Variants in ZCRB1 observed in about 807,000 individuals in gnomAD.
ZCRB1 encodes the protein zinc finger CCHC-type and RNA binding motif containing 1.
Under a neutral mutation model 29.9 loss-of-function variants are expected in ZCRB1, and 21 were observed. That is an observed-to-expected ratio of 0.70 (90% CI 0.50 to 1.01). The LOEUF is 1.01. Among genes scored for constraint, ZCRB1 ranks in the 50% least tolerant of loss-of-function variants. The probability of loss-of-function intolerance (pLI) is 0.00; values close to 1 mark genes in which losing one functional copy is unlikely to be tolerated. For synonymous variants in ZCRB1, 77 were observed against 80.0 expected, an observed-to-expected ratio of 0.96 and a Z score of 0.20; for missense variants, 204 against 253.3, an observed-to-expected ratio of 0.81 and a Z score of 1.32.
intron 3 of ZCRB1, 44 bp downstream of exon 3, chr12:42,322,374 A>G (rs1037267468): frequency 5.6e-6 from 8 of 1,429,344 alleles, no homozygotes; most frequent in Non-Finnish European, 7.5e-6. Context: ...GCAAATTCAG[A>G]TAAACTTTTA....
intron 5 of ZCRB1, among the ~76,000 whole-genome samples, chr12:42,315,795 CAAAACTT>C (rs927924507): frequency 6.6e-6 from 1 of 152,084 alleles, no homozygotes; most frequent in Non-Finnish European, 1.5e-5. Context: ...TTACAAAACT[CAAAACTT>C]TGGAAAAGTT....
At chr12:42,319,401 C>T (rs2068610408) in intron 3 of ZCRB1, among the ~76,000 whole-genome samples, 1 of 152,134 alleles carries the variant, frequency 6.6e-6, no homozygotes, top group Admixed American at 6.5e-5. Context: ...TATTCTTTGT[C>T]CCACTGTCAG....
At position 42,312,540 on chromosome 12, in the gene ZCRB1, T is replaced by C. The variant is rs1200579157; in HGVS notation, c.*527A>G. ...ATTCTTTTATTAAGTGACTGAAATA[T>C]ATGTACTTTATTTAGCTACATGTGT... On this transcript the variant is annotated 3_prime_UTR_variant, in exon 8 of 8. Coordinates refer to ENST00000266529, the MANE Select transcript of ZCRB1 (RefSeq NM_033114.4). The C allele has an allele frequency of 6.6e-6, 1 of 152,200 alleles. No individual in the cohort carries two copies. The highest frequency in any genetic ancestry group is 1.9e-4 in the East Asian group (1 of 5,206). 9.4% of individuals were successfully genotyped at this position (152,200 alleles called of 1,614,324 possible). A position where few individuals can be genotyped will look rare whatever the true frequency, so the allele number is the denominator to read the frequency against.
rs2068576158 is a variant in ZCRB1 at position 42,312,854 on chromosome 12, G to T, written c.*213C>A. 1 of 372,390 alleles carries T rather than the reference G, an allele frequency of 2.7e-6. No homozygotes were observed. The highest frequency in any genetic ancestry group is 4.3e-6 in the Non-Finnish European group (1 of 230,430). The allele number at this position is 372,390 out of a possible 1,614,324, so 23.1% of individuals were successfully genotyped here. Reference sequence around the variant, plus strand: ...CGGTCTTCAGGAAGTTTGTTTTAAGGATTAATTTCAGAAGTCCTCATGTAA... The same window carrying T: ...CGGTCTTCAGGAAGTTTGTTTTAAGTATTAATTTCAGAAGTCCTCATGTAA... On this transcript the variant is annotated 3_prime_UTR_variant, in exon 8 of 8. Coordinates refer to ENST00000266529, the MANE Select transcript of ZCRB1 (RefSeq NM_033114.4).
chr12:42,324,548 A>G (rs1477386312), intron 1 of ZCRB1, among the ~76,000 whole-genome samples: 1 of 152,250 alleles, frequency 6.6e-6, no homozygotes, highest in Non-Finnish European at 1.5e-5. Flanking sequence ...AGTATTAACA[A>G]TCACCGATTT....
At chr12:42,314,249 A>G (rs1398711419) in intron 5 of ZCRB1, among the ~76,000 whole-genome samples, 2 of 151,810 alleles carry the variant, frequency 1.3e-5, no homozygotes, top group South Asian at 2.1e-4. Context: ...AAACATTTAA[A>G]TCTCAAAATT....
intron 5 of ZCRB1, among the ~76,000 whole-genome samples, chr12:42,316,343 G>A (rs367663741): frequency 1.3e-5 from 2 of 151,998 alleles, no homozygotes; most frequent in Middle Eastern, 3.4e-3. Context: ...CAAGTGATCC[G>A]TCCACCTCAG....
rs145609199 is a variant in ZCRB1, at chr12:42,324,510, G to GA, written c.-2-407dup. On this transcript the variant is annotated intron_variant, in intron 1 of 7. Transcript: ENST00000266529. ...ATCAGACCAGTCTGGGTATTATTTGGAAAAAAACAAAAAACAAAAACCAAT... is the reference window on the plus strand; with the variant it reads ...ATCAGACCAGTCTGGGTATTATTTGGAAAAAAAACAAAAAACAAAAACCAAT... Among the ~76,000 whole-genome samples the GA allele has an allele frequency of 3.6e-3, 548 of 151,934 alleles. 5 individuals carry two copies. The highest frequency in any genetic ancestry group is 0.013 in the African/African-American group (531 of 41,474).
intron 3 of ZCRB1, among the ~76,000 whole-genome samples, chr12:42,319,921 C>G (rs2068613252): frequency 6.6e-6 from 1 of 152,174 alleles, no homozygotes; most frequent in Admixed American, 6.5e-5. Flanking sequence ...AGCCCATGTG[C>G]TAAGCACTAA....
intron 3 of ZCRB1, among the ~76,000 whole-genome samples, chr12:42,319,799 T>C (rs571723850): frequency 1.4e-3 from 220 of 152,346 alleles, no homozygotes; most frequent in African/African-American, 4.3e-3. Context: ...TTGATAGATA[T>C]ACCTTTATAT....
Sources: gnomAD v4.1 joint callset for allele counts (sites outside exome capture counted in the v4.1 genomes callset) on GRCh38, gnomAD v4.1.1 for gene constraint, MANE v1.5 for transcripts, NCBI Gene and HGNC (gene_info 2026-07-23, HGNC 2026-07-21) for gene names.